Variants in UVRAG observed in about 807,000 individuals in gnomAD.
UVRAG encodes UV radiation resistance associated.
Under a neutral mutation model 78.0 loss-of-function variants are expected in UVRAG, and 19 were observed. That is an observed-to-expected ratio of 0.24 (90% CI 0.17 to 0.36). The LOEUF (loss-of-function observed/expected upper bound fraction) is 0.36, where lower values mean the gene tolerates loss of function less well. UVRAG is among the 10% of genes least tolerant of loss of function. UVRAG has a pLI of 1.00. For synonymous variants in UVRAG, 323 were observed against 324.6 expected, an observed-to-expected ratio of 1.00 and a Z score of 0.05; for missense variants, 740 against 853.8, an observed-to-expected ratio of 0.87 and a Z score of 1.66.
At position 76,086,217 on chromosome 11, in the gene UVRAG, T is replaced by C. The variant is rs571833506; in HGVS notation, c.1305+20429T>C. 2.0e-5 allele frequency among the ~76,000 whole-genome samples: 3 copies of C among 152,338 alleles called. No individual in the cohort carries two copies. In the South Asian group the frequency reaches 6.2e-4, roughly 32 times the overall value. On this transcript the variant is annotated intron_variant, in intron 13 of 14. Coordinates refer to ENST00000356136, the MANE Select transcript of UVRAG (RefSeq NM_003369.4). The stretch of plus-strand genomic sequence containing the variant: ...TCGCTTAATCATGAACTTAAATCTT[T>C]CTTTAGTTTTTTCCATCATGTATTC...
rs1256455258 is a variant in UVRAG at position 75,845,977 on chromosome 11, T to A, written c.118-5906T>A. 2.6e-5 allele frequency among the ~76,000 whole-genome samples: 4 copies of A among 152,236 alleles called. No individual in the cohort carries two copies. In the East Asian group the frequency reaches 7.7e-4, roughly 29 times the overall value. On this transcript the variant is annotated intron_variant, in intron 1 of 14. Transcript: ENST00000356136. Reference sequence around the variant, plus strand: ...TCCAAAGTTTGTGTAAATTTTAATTTTTTTGTGTAAATTTACATTTTAATT... The same window carrying A: ...TCCAAAGTTTGTGTAAATTTTAATTATTTTGTGTAAATTTACATTTTAATT...
chr11:75,876,567 T>G (rs1934142921), intron 3 of UVRAG, among the ~76,000 whole-genome samples: 1 of 152,234 alleles, frequency 6.6e-6, no homozygotes, highest in Admixed American at 6.5e-5. Flanking sequence ...CTGAAATTCT[T>G]GCATGGCTAG....
intron 12 of UVRAG, among the ~76,000 whole-genome samples, chr11:76,024,878 C>T (rs1697821721): frequency 6.6e-6 from 1 of 152,056 alleles, no homozygotes; most frequent in African/African-American, 2.4e-5. Flanking sequence ...GGAATCAGAT[C>T]TTCATGGGAG....
chr11:76,008,378 A>G (rs866940301), intron 10 of UVRAG, among the ~76,000 whole-genome samples: 7 of 152,248 alleles, frequency 4.6e-5, no homozygotes, highest in Admixed American at 2.0e-4. Flanking sequence ...GAAAACTTCA[A>G]TAAAATTGAT....
At chr11:76,125,183 G>C (rs1217372452) in intron 14 of UVRAG, among the ~76,000 whole-genome samples, 1 of 152,192 alleles carries the variant, frequency 6.6e-6, no homozygotes, top group African/African-American at 2.4e-5. Context: ...GAAGTCTCAA[G>C]AGTCCTACTT....
intron 4 of UVRAG, among the ~76,000 whole-genome samples, chr11:75,882,046 A>C (rs1210963905): frequency 6.6e-6 from 1 of 152,152 alleles, no homozygotes; most frequent in Non-Finnish European, 1.5e-5. Context: ...AATGAATCTC[A>C]TTTCTATTTT....
intron 13 of UVRAG, among the ~76,000 whole-genome samples, chr11:76,104,073 T>C (rs1331987212): frequency 2.0e-5 from 3 of 152,154 alleles, no homozygotes; most frequent in Non-Finnish European, 2.9e-5. Context: ...CAGTGTAAAC[T>C]ATCAGAGTTG....
chr11:76,136,910 T>C (rs746351271), intron 14 of UVRAG, among the ~76,000 whole-genome samples: 7 of 152,254 alleles, frequency 4.6e-5, no homozygotes, highest in Non-Finnish European at 1.0e-4. Context: ...AGTTTTTATT[T>C]TTTTATATAG....
intron 1 of UVRAG, among the ~76,000 whole-genome samples, chr11:75,828,721 A>ATGTG (rs201452485): frequency 8.4e-4 from 101 of 120,796 alleles, no homozygotes; most frequent in African/African-American, 3.9e-3. Flanking sequence ...GTGTATATAT[A>ATGTG]TGTGTGTGTG....
chr11:75,817,678 A>G lies in UVRAG; in HGVS notation c.117+2154A>G, dbSNP rs11828710. Among the ~76,000 whole-genome samples the G allele has an allele frequency of 9.5e-3, 1,454 of 152,268 alleles. 27 individuals carry two copies. The highest frequency in any genetic ancestry group is 0.034 in the African/African-American group (1,403 of 41,556). ...GTTTTATCTGTATATAGTAAAGTAC[A>G]CAGATTATCAGTATTCAGTGGATGA... On this transcript the variant is annotated intron_variant, in intron 1 of 14. Coordinates refer to ENST00000356136, the MANE Select transcript of UVRAG (RefSeq NM_003369.4).
Position 75,925,733 on chromosome 11 carries a change from A to G in UVRAG, c.593+13694A>G, listed in dbSNP as rs531372833. Among the ~76,000 whole-genome samples, 4 of 152,362 alleles carry G rather than the reference A, an allele frequency of 2.6e-5. No individual in the cohort carries two copies. The South Asian group carries it at 6.2e-4, about 24-fold the overall frequency. ...TTGAATATTAAAAATTTTCACTTAAATACATTAATGCTATTAAGTAAAATA... is the reference window on the plus strand; with the variant it reads ...TTGAATATTAAAAATTTTCACTTAAGTACATTAATGCTATTAAGTAAAATA... On this transcript the variant is annotated intron_variant, in intron 6 of 14. Coordinates refer to ENST00000356136, the MANE Select transcript of UVRAG (RefSeq NM_003369.4).
chr11:75,897,848 A>G (rs184694594), intron 5 of UVRAG, among the ~76,000 whole-genome samples: 28 of 136,916 alleles, frequency 2.0e-4, no homozygotes, highest in Non-Finnish European at 3.7e-4. Flanking sequence ...ATATATCTAT[A>G]TACTTACCTT....
At chr11:75,840,914 GTTT>G (rs1945894269) in intron 1 of UVRAG, among the ~76,000 whole-genome samples, 1 of 152,052 alleles carries the variant, frequency 6.6e-6, no homozygotes, top group Non-Finnish European at 1.5e-5. Flanking sequence ...GCTCCTTTCT[GTTT>G]TTTGTTTTTT....
At chr11:75,948,969 C>T (rs947541593) in intron 6 of UVRAG, among the ~76,000 whole-genome samples, 3 of 152,252 alleles carry the variant, frequency 2.0e-5, no homozygotes, top group South Asian at 4.1e-4. Flanking sequence ...GGAAGATAAA[C>T]TACAATTAGT....
At chr11:76,015,209 A>C (rs1464200450) in intron 11 of UVRAG, among the ~76,000 whole-genome samples, 1 of 152,166 alleles carries the variant, frequency 6.6e-6, no homozygotes, top group Non-Finnish European at 1.5e-5. Flanking sequence ...CCAAGTTAAA[A>C]AATTGTTATA....
At chr11:76,048,562 C>T (rs959863408) in intron 12 of UVRAG, among the ~76,000 whole-genome samples, 33 of 152,104 alleles carry the variant, frequency 2.2e-4, no homozygotes, top group Admixed American at 2.1e-3. Flanking sequence ...GAAGTCCATG[C>T]TTAACAAAAT....
intron 14 of UVRAG, 114 bp from the exon 15 acceptor site, chr11:76,140,597 T>G: frequency 9.6e-7 from 1 of 1,040,238 alleles, no homozygotes. Context: ...AGATTGATTC[T>G]TATCTATTTT....
At chr11:75,941,893 G>C (rs1686042748) in intron 6 of UVRAG, among the ~76,000 whole-genome samples, 1 of 152,018 alleles carries the variant, frequency 6.6e-6, no homozygotes, top group Non-Finnish European at 1.5e-5. Flanking sequence ...TCCTGGAAAA[G>C]GAGGCCTCTC....
At chr11:76,140,622 T>C (rs1952699673) in intron 14 of UVRAG, 89 bp from the exon 15 acceptor site, 1 of 1,281,560 alleles carries the variant, frequency 7.8e-7, no homozygotes, top group Non-Finnish European at 1.1e-6. Context: ...AGCTCAGACC[T>C]AAGTATGCTG....
Sources: allele counts gnomAD v4.1 joint callset (sites outside exome capture counted in the v4.1 genomes callset), GRCh38; gene constraint gnomAD v4.1.1; transcripts MANE v1.5; gene names NCBI Gene and HGNC (gene_info 2026-07-23, HGNC 2026-07-21).